The following ZNF292 variants were observed in gnomAD, a reference collection of about 807,000 sequenced individuals.
ZNF292 encodes zinc finger protein 292, also known as 16 zinc-finger domain protein.
In ZNF292, 26 loss-of-function variants were observed where a neutral mutation model predicts 217.9. The ratio of observed to expected loss-of-function variants is 0.12; its 90% CI spans 0.09 to 0.17. The LOEUF is 0.17. Among genes scored for constraint, ZNF292 ranks in the 10% least tolerant of loss-of-function variants. The pLI is 1.00. For missense variants in ZNF292, 2,904 were observed against 3,175.2 expected, an observed-to-expected ratio of 0.91 and a Z score of 2.05; for synonymous variants, 1,257 against 1,124.1, an observed-to-expected ratio of 1.12 and a Z score of -2.37.
intron 1 of ZNF292, among the ~76,000 whole-genome samples, chr6:87,207,660 GT>G (rs1413692709): frequency 6.6e-6 from 1 of 152,102 alleles, no homozygotes; most frequent in East Asian, 1.9e-4. Flanking sequence ...GGTGAGTCCA[GT>G]TTCTCCAGAC....
intron 7 of ZNF292, 96 bp downstream of exon 7, chr6:87,245,740 T>C (rs189201319): frequency 1.2e-6 from 1 of 807,054 alleles, no homozygotes; most frequent in South Asian, 3.0e-5. Flanking sequence ...TTTCAGTGAT[T>C]TTTAAATTTT....
intron 4 of ZNF292, among the ~76,000 whole-genome samples, chr6:87,221,279 A>G (rs904715042): frequency 5.9e-5 from 9 of 152,184 alleles, no homozygotes; most frequent in African/African-American, 2.2e-4. Context: ...TTGAATATCA[A>G]AGGAACTTTA....
chr6:87,188,802 A>C (rs1325907675), intron 1 of ZNF292, among the ~76,000 whole-genome samples: 1 of 151,514 alleles, frequency 6.6e-6, no homozygotes, highest in Non-Finnish European at 1.5e-5. Context: ...TGTTTAATAA[A>C]AAAAATTACT....
chr6:87,251,021 AC>A (rs1213601527), intron 7 of ZNF292, among the ~76,000 whole-genome samples: 1 of 152,194 alleles, frequency 6.6e-6, no homozygotes, highest in East Asian at 1.9e-4. Context: ...ATAATAACCC[AC>A]TTGTCTATTT....
intron 1 of ZNF292, among the ~76,000 whole-genome samples, chr6:87,183,226 T>G (rs1397981319): frequency 6.6e-6 from 1 of 152,176 alleles, no homozygotes; most frequent in East Asian, 1.9e-4. Flanking sequence ...AGAGGAAGTT[T>G]ATAATTACAA....
At position 87,258,969 on chromosome 6, in the gene ZNF292, T is replaced by C; in HGVS notation, c.5340T>C (p.Ala1780=). The change falls in exon 8 of 8, where the codon GCT becomes GCC. Residue 1780 remains alanine (A), a synonymous_variant. Coordinates refer to ENST00000369577, the MANE Select transcript of ZNF292 (RefSeq NM_015021.3). ...ILEVKSGSQG[A]GETSQNAQIN... The stretch of plus-strand genomic sequence containing the variant: ...AGGTAAAAAGTGGATCTCAGGGTGC[T>C]GGTGAAACTTCACAAAATGCTCAAA... 2 of 1,613,302 alleles carry C rather than the reference T, an allele frequency of 1.2e-6. No individual in the cohort carries two copies. Among genetic ancestry groups the C allele is most frequent in the Non-Finnish European group, 1.7e-6 (2 of 1,179,552 alleles).
At chr6:87,172,621 T>C (rs1771137752) in intron 1 of ZNF292, among the ~76,000 whole-genome samples, 1 of 152,106 alleles carries the variant, frequency 6.6e-6, no homozygotes, top group South Asian at 2.1e-4. Flanking sequence ...CAGAATAACA[T>C]AGGACCAGGC....
chr6:87,170,342 T>G (rs1190549750), intron 1 of ZNF292: 1 of 152,206 alleles, frequency 6.6e-6, no homozygotes, highest in Non-Finnish European at 1.5e-5. Flanking sequence ...AATGACATTG[T>G]CAATAAAATT....
chr6:87,228,123 A>G (rs1435422988), intron 4 of ZNF292, among the ~76,000 whole-genome samples: 1 of 152,054 alleles, frequency 6.6e-6, no homozygotes, highest in South Asian at 2.1e-4. Context: ...TTTTTTTCGT[A>G]GTAGTCATCC....
intron 1 of ZNF292, among the ~76,000 whole-genome samples, chr6:87,195,178 A>C (rs966955889): frequency 6.6e-6 from 1 of 152,230 alleles, no homozygotes; most frequent in African/African-American, 2.4e-5. Context: ...AGTTTAAGAC[A>C]AAGTAAAATG....
At chr6:87,198,078 A>T (rs1370671536) in intron 1 of ZNF292, among the ~76,000 whole-genome samples, 2 of 152,192 alleles carry the variant, frequency 1.3e-5, no homozygotes, top group Admixed American at 1.3e-4. Context: ...AAATTTGATA[A>T]GTTGGAGAGA....
At chr6:87,180,984 A>C (rs578216635) in intron 1 of ZNF292, among the ~76,000 whole-genome samples, 10 of 152,308 alleles carry the variant, frequency 6.6e-5, no homozygotes, top group African/African-American at 2.2e-4. Context: ...GCGAGCATGC[A>C]GACAGGTAGG....
rs752579678 is a variant in ZNF292, at chr6:87,255,652, C to A, written c.2023C>A (p.Pro675Thr). 6.2e-7 allele frequency: 1 copy of A among 1,613,104 alleles called. No homozygotes were observed. The highest frequency in any genetic ancestry group is 1.3e-5 in the African/African-American group (1 of 75,016). ...YEPEVIPVQK[P>T]VPVNEFNCPV... is the part of the protein sequence containing the mutation. ...GCCAGAAGTGATTCCAGTCCAGAAA[C>A]CAGTACCTGTTAATGAATTTAATTG... is the stretch of plus-strand genomic sequence containing the variant. Residue 675 changes from proline to threonine, a missense_variant, in exon 8 of 8, where the codon CCA (proline) becomes ACA (threonine). Physicochemically the swap from Pro to Thr is conservative, Grantham distance 38. Around this residue, in one of 15 missense-constraint regions of ZNF292, gnomAD observed 216 missense variants for 308.3 expected, o/e 0.70. Transcript: ENST00000369577.
intron 5 of ZNF292, among the ~76,000 whole-genome samples, chr6:87,236,620 A>G (rs1377470240): frequency 6.6e-6 from 1 of 152,144 alleles, no homozygotes. Flanking sequence ...AAAACTTTCT[A>G]TCTTGTATCT....
intron 1 of ZNF292, among the ~76,000 whole-genome samples, chr6:87,203,035 T>C: frequency 6.6e-6 from 1 of 151,902 alleles, no homozygotes; most frequent in East Asian, 1.9e-4. Context: ...CATGAATAAA[T>C]AGGGGACTAC....
rs1001230424 is a variant in ZNF292, at chr6:87,258,660, T to C, written c.5031T>C (p.Cys1677=). Residue 1677 remains cysteine (C), a synonymous_variant, in exon 8 of 8, where the codon TGT becomes TGC. Coordinates refer to ENST00000369577, the MANE Select transcript of ZNF292 (RefSeq NM_015021.3). ...TTCATTCAAATGTAATTCCAACTTGTGAACCTCAGAGTTTGGTGGAAAATC... is the reference window on the plus strand; with the variant it reads ...TTCATTCAAATGTAATTCCAACTTGCGAACCTCAGAGTTTGGTGGAAAATC... ...TNLHSNVIPT[C]EPQSLVENLT... The C allele has an allele frequency of 8.7e-6, 14 of 1,613,450 alleles. No homozygotes were observed. The highest frequency in any genetic ancestry group is 2.7e-5 in the African/African-American group (2 of 74,914).
chr6:87,183,821 A>G (rs1771546977), intron 1 of ZNF292, among the ~76,000 whole-genome samples: 1 of 152,204 alleles, frequency 6.6e-6, no homozygotes, highest in African/African-American at 2.4e-5. Context: ...ATGGTTGGTA[A>G]TTGTATACAC....
At chr6:87,179,814 T>G (rs1041612630) in intron 1 of ZNF292, among the ~76,000 whole-genome samples, 3 of 152,196 alleles carry the variant, frequency 2.0e-5, no homozygotes, top group African/African-American at 7.2e-5. Flanking sequence ...ACTGCCTGAT[T>G]TATTTGCCCT....
intron 4 of ZNF292, chr6:87,223,915 A>G (rs1055361516): frequency 6.6e-6 from 1 of 152,198 alleles, no homozygotes; most frequent in African/African-American, 2.4e-5. Context: ...CAAGATCTAT[A>G]TTAAACTAAA....
Sources: gnomAD v4.1 joint callset for allele counts (sites outside exome capture counted in the v4.1 genomes callset) on GRCh38, gnomAD v4.1.1 for gene constraint, gnomAD v4.1.1 regional missense constraint, MANE v1.5 for transcripts, NCBI Gene and HGNC (gene_info 2026-07-23, HGNC 2026-07-21) for gene names.